The following GRID2 variants were observed in gnomAD, a reference collection of about 807,000 sequenced individuals.
GRID2 encodes glutamate ionotropic receptor delta type subunit 2, also known as glutamate receptor ionotropic, delta-2.
A neutral mutation model predicts 114.8 loss-of-function variants in GRID2; 33 were observed. That is an observed-to-expected ratio of 0.29 (90% CI 0.22 to 0.38). GRID2 has a LOEUF of 0.38. Ranked by LOEUF, GRID2 falls within the 10% of genes least tolerant of loss-of-function variation. The pLI, the probability that GRID2 is intolerant of heterozygous loss-of-function variation, is 1.00. For missense variants in GRID2, 1,184 were observed against 1,257.7 expected (o/e 0.94, Z 0.89); for synonymous variants, 505 against 449.9 (o/e 1.12, Z -1.55).
intron 2 of GRID2, among the ~76,000 whole-genome samples, chr4:92,863,980 G>T (rs1409040787): frequency 6.6e-6 from 1 of 152,182 alleles, no homozygotes; most frequent in South Asian, 2.1e-4. Context: ...ATTAAGACTA[G>T]TAAATACTGT....
chr4:93,203,207 G>A (rs1254094871), intron 4 of GRID2, among the ~76,000 whole-genome samples: 1 of 152,082 alleles, frequency 6.6e-6, no homozygotes, highest in Non-Finnish European at 1.5e-5. Flanking sequence ...CAGCCCACTG[G>A]TTATGCATGA....
chr4:92,726,337 G>C (rs1736068101), intron 2 of GRID2, among the ~76,000 whole-genome samples: 1 of 152,054 alleles, frequency 6.6e-6, no homozygotes, highest in Non-Finnish European at 1.5e-5. Context: ...TTGTACTGTA[G>C]TGTTGCCGCA....
At chr4:93,302,246 C>A (rs1754955725) in intron 8 of GRID2, among the ~76,000 whole-genome samples, 1 of 152,146 alleles carries the variant, frequency 6.6e-6, no homozygotes, top group African/African-American at 2.4e-5. Context: ...AAGTACAGTA[C>A]AGGCTTCTAA....
At chr4:92,536,075 G>A (rs533029315) in intron 1 of GRID2, among the ~76,000 whole-genome samples, 99 of 152,262 alleles carry the variant, frequency 6.5e-4, no homozygotes, top group African/African-American at 2.2e-3. Flanking sequence ...AAAGAACAAA[G>A]CCTCCACAGC....
intron 2 of GRID2, among the ~76,000 whole-genome samples, chr4:92,711,219 G>A (rs1477556848): frequency 6.6e-6 from 1 of 152,060 alleles, no homozygotes; most frequent in Non-Finnish European, 1.5e-5. Context: ...TTAGAGACAT[G>A]CTAATGGCAA....
intron 4 of GRID2, among the ~76,000 whole-genome samples, chr4:93,115,841 A>G (rs1349323752): frequency 6.6e-6 from 1 of 152,120 alleles, no homozygotes; most frequent in Non-Finnish European, 1.5e-5. Context: ...CCATGATTCA[A>G]TTACCTCCCC....
At chr4:93,366,444 A>G (rs28446769) in intron 8 of GRID2, among the ~76,000 whole-genome samples, 68,590 of 151,826 alleles carry the variant, frequency 0.45, 16,320 homozygotes, top group East Asian at 0.7. Context: ...AATTTTGGTC[A>G]CACTGGTTGA....
At chr4:92,804,113 A>G (rs1740299238) in intron 2 of GRID2, among the ~76,000 whole-genome samples, 1 of 151,960 alleles carries the variant, frequency 6.6e-6, no homozygotes, top group Non-Finnish European at 1.5e-5. Context: ...TTCATTCTTC[A>G]TATAAGGACA....
At chr4:92,962,750 A>C (rs1560749613) in intron 2 of GRID2, among the ~76,000 whole-genome samples, 1 of 151,960 alleles carries the variant, frequency 6.6e-6, no homozygotes, top group South Asian at 2.1e-4. Context: ...GCCTATGACT[A>C]GATCCCCCTA....
At chr4:93,660,757 T>G (rs1001100803) in intron 14 of GRID2, among the ~76,000 whole-genome samples, 10 of 152,106 alleles carry the variant, frequency 6.6e-5, no homozygotes, top group African/African-American at 2.2e-4. Context: ...AAACAAGAGT[T>G]TATTATGCAT....
At chr4:92,600,044 GTATATATATATATATATA>G (rs70942915) in intron 2 of GRID2, among the ~76,000 whole-genome samples, 84 of 54,432 alleles carry the variant, frequency 1.5e-3, no homozygotes, top group South Asian at 0.01. Context: ...GTGTGTGTGT[GTATATATATATATATATA>G]TATATATATA....
At chr4:93,056,944 T>C (rs1033181818) in intron 2 of GRID2, among the ~76,000 whole-genome samples, 1 of 152,014 alleles carries the variant, frequency 6.6e-6, no homozygotes, top group Non-Finnish European at 1.5e-5. Flanking sequence ...ATCATTATAA[T>C]AGAAAATTGT....
intron 2 of GRID2, among the ~76,000 whole-genome samples, chr4:92,832,971 A>T (rs1742222005): frequency 6.6e-6 from 1 of 152,158 alleles, no homozygotes; most frequent in African/African-American, 2.4e-5. Flanking sequence ...TGACTTTAAA[A>T]GGTATATTGA....
intron 13 of GRID2, among the ~76,000 whole-genome samples, chr4:93,578,085 G>GTGC (rs1349815225): frequency 6.6e-6 from 1 of 152,152 alleles, no homozygotes; most frequent in African/African-American, 2.4e-5. Context: ...TCACAGCAAA[G>GTGC]TGCTGCTACA....
At chr4:93,427,582 G>A (rs72668718) in intron 10 of GRID2, among the ~76,000 whole-genome samples, 8 of 152,060 alleles carry the variant, frequency 5.3e-5, no homozygotes, top group African/African-American at 1.7e-4. Flanking sequence ...ATGTTGGAAA[G>A]TGAGCTCTGA....
rs369132318 is a variant in GRID2, at chr4:92,711,761, G to T, written c.244+121475G>T. On this transcript the variant is annotated intron_variant, in intron 2 of 15. Coordinates refer to ENST00000282020, the MANE Select transcript of GRID2 (RefSeq NM_001510.4). Reference sequence around the variant, plus strand: ...TTACAAAAAATACAAAAATTAGCCAGGCCTGGTGGCAGACACCTGTAGTCT... The same window carrying T: ...TTACAAAAAATACAAAAATTAGCCATGCCTGGTGGCAGACACCTGTAGTCT... 2.0e-5 allele frequency among the ~76,000 whole-genome samples: 3 copies of T among 152,066 alleles called. No individual in the cohort carries two copies. In the East Asian group the frequency reaches 5.8e-4, roughly 29 times the overall value.
At chr4:93,682,213 A>C (rs1179371194) in intron 14 of GRID2, among the ~76,000 whole-genome samples, 3 of 148,414 alleles carry the variant, frequency 2.0e-5, no homozygotes, top group Non-Finnish European at 3.0e-5. Context: ...GAGAAATGCA[A>C]ATCAAAACCA....
intron 1 of GRID2, among the ~76,000 whole-genome samples, chr4:92,504,265 A>G (rs964065680): frequency 6.6e-6 from 1 of 152,122 alleles, no homozygotes; most frequent in Non-Finnish European, 1.5e-5. Flanking sequence ...GAGAAATCAC[A>G]TGAGATGAGA....
At chr4:92,612,037 T>A (rs933372990) in intron 2 of GRID2, among the ~76,000 whole-genome samples, 1 of 151,562 alleles carries the variant, frequency 6.6e-6, no homozygotes, top group East Asian at 1.9e-4. Flanking sequence ...AGCTTTGATA[T>A]TGTATCTAAG....
Sources: allele counts gnomAD v4.1 joint callset (sites outside exome capture counted in the v4.1 genomes callset), GRCh38; gene constraint gnomAD v4.1.1; transcripts MANE v1.5; gene names NCBI Gene and HGNC (gene_info 2026-07-23, HGNC 2026-07-21).